The following GABRB3 variants were observed in gnomAD, a reference collection of about 807,000 sequenced individuals.
GABRB3 encodes the protein gamma-aminobutyric acid receptor subunit beta-3.
In GABRB3, 14 loss-of-function variants were observed where a neutral mutation model predicts 52.1. The observed-to-expected ratio is 0.27, with a 90% confidence interval of 0.18 to 0.42. GABRB3 has a LOEUF of 0.42. Among genes scored for constraint, GABRB3 ranks in the 10% least tolerant of loss-of-function variants. The pLI, the probability that GABRB3 is intolerant of heterozygous loss-of-function variation, is 1.00. For synonymous variants in GABRB3, 260 were observed against 232.3 expected (o/e 1.12, Z -1.08); for missense variants, 307 against 609.1 (o/e 0.50, Z 5.22).
intron 3 of GABRB3, among the ~76,000 whole-genome samples, chr15:26,746,478 GC>G (rs1890342611): frequency 6.6e-6 from 1 of 151,776 alleles, no homozygotes; most frequent in East Asian, 1.9e-4. Context: ...TATGAATCAT[GC>G]TTTTGGTGTT....
In GABRB3 at chr15:26,548,039, T is replaced by C; in HGVS notation, c.1176A>G (p.Ala392=). The C allele has an allele frequency of 6.2e-7, 1 of 1,614,184 alleles. No individual in the cohort carries two copies. The highest frequency in any genetic ancestry group is 8.5e-7 in the Non-Finnish European group (1 of 1,180,010). ...SGGIGDTRNS[A]ISFDNSGIQY... ...GGATTCCTGAGTTGTCAAAGGATAT[T>C]GCTGAATTCCTGGTATCGCCAATGC... Residue 392 remains alanine, a synonymous_variant, in exon 9 of 9, where the codon GCA becomes GCG. Transcript: ENST00000311550.
At chr15:26,673,682 C>T (rs1036709526) in intron 3 of GABRB3, among the ~76,000 whole-genome samples, 2 of 152,192 alleles carry the variant, frequency 1.3e-5, no homozygotes, top group African/African-American at 4.8e-5. Context: ...ACGTGCATCA[C>T]AAGACAAAGG....
chr15:26,615,659 C>G, intron 4 of GABRB3: 1 of 763,346 alleles, frequency 1.3e-6, no homozygotes, highest in South Asian at 4.2e-5. Flanking sequence ...GACAGCTCAT[C>G]TACAGCCAAA....
At chr15:26,637,464 T>C (rs1011767925) in intron 3 of GABRB3, among the ~76,000 whole-genome samples, 13 of 152,330 alleles carry the variant, frequency 8.5e-5, no homozygotes, top group African/African-American at 3.1e-4. Flanking sequence ...GGAAATTCTT[T>C]CTCTTTGGTT....
At chr15:26,602,149 T>G (rs534448501) in intron 4 of GABRB3, among the ~76,000 whole-genome samples, 1 of 152,032 alleles carries the variant, frequency 6.6e-6, no homozygotes, top group Middle Eastern at 3.4e-3. Context: ...ACAAAACATA[T>G]AAGAAGAGAC....
intron 3 of GABRB3, among the ~76,000 whole-genome samples, chr15:26,645,452 T>G (rs1213032732): frequency 6.6e-6 from 1 of 152,168 alleles, no homozygotes; most frequent in African/African-American, 2.4e-5. Context: ...TGGGTGCAGA[T>G]GCAATGTGGC....
At chr15:26,687,363 A>G (rs17117238) in intron 3 of GABRB3, among the ~76,000 whole-genome samples, 3,678 of 152,318 alleles carry the variant, frequency 0.024, 140 homozygotes, top group African/African-American at 0.084. Flanking sequence ...GTTCACTCAT[A>G]TAAGTAACTG....
At chr15:26,590,593 A>G (rs896008655) in intron 4 of GABRB3, among the ~76,000 whole-genome samples, 1 of 152,246 alleles carries the variant, frequency 6.6e-6, no homozygotes, top group Admixed American at 6.5e-5. Context: ...AATGCTTGTT[A>G]TTCAATGTGA....
chr15:26,589,073 G>A (rs1193911478), intron 4 of GABRB3, among the ~76,000 whole-genome samples: 4 of 152,238 alleles, frequency 2.6e-5, no homozygotes, highest in Admixed American at 2.6e-4. Context: ...AGTCAAGGAT[G>A]TCAAGATCCA....
chr15:26,572,601 T>C (rs1477135699), intron 6 of GABRB3, among the ~76,000 whole-genome samples: 2 of 152,208 alleles, frequency 1.3e-5, no homozygotes, highest in Non-Finnish European at 2.9e-5. Context: ...ACTGGCAGGA[T>C]GGAATGCCAT....
chr15:26,708,332 A>G (rs1417797939), intron 3 of GABRB3, among the ~76,000 whole-genome samples: 1 of 152,234 alleles, frequency 6.6e-6, no homozygotes, highest in Non-Finnish European at 1.5e-5. Context: ...GATGGCATTT[A>G]CCAACTACTA....
intron 3 of GABRB3, among the ~76,000 whole-genome samples, chr15:26,641,606 G>A (rs1893202221): frequency 6.6e-6 from 1 of 152,196 alleles, no homozygotes; most frequent in South Asian, 2.1e-4. Context: ...GACCTGACAG[G>A]TAGATCACAT....
intron 4 of GABRB3, among the ~76,000 whole-genome samples, chr15:26,601,957 C>T (rs1261226823): frequency 6.6e-6 from 1 of 152,032 alleles, no homozygotes; most frequent in Non-Finnish European, 1.5e-5. Context: ...AATCAAAATA[C>T]ATAGAGTGGC....
intron 4 of GABRB3, among the ~76,000 whole-genome samples, chr15:26,583,705 CATG>C (rs1172143719): frequency 3.3e-5 from 5 of 150,822 alleles, no homozygotes; most frequent in African/African-American, 9.8e-5. Flanking sequence ...TAATATACAG[CATG>C]ATGTTTTGAA....
intron 3 of GABRB3, chr15:26,628,986 C>A: frequency 2.0e-6 from 3 of 1,536,166 alleles, no homozygotes; most frequent in Non-Finnish European, 2.6e-6. Context: ...CCTCTTCTGT[C>A]TGGTAGGTGG....
In GABRB3 at chr15:26,548,002, G is replaced by GTT; in HGVS notation, c.1211_1212dup (p.Gln405AsnfsTer39). ...CCATGCCCTTCTCGAGGCATGCTCT[G>GTT]TTTCCTGTACTGGATTCCTGAGTTG... On this transcript the variant is annotated frameshift_variant, in exon 9 of 9. Transcript: ENST00000311550. LOFTEE classifies it high-confidence loss of function. 1 of 1,614,196 alleles carries GTT rather than the reference G, an allele frequency of 6.2e-7. No homozygotes were observed. Among genetic ancestry groups the GTT allele is most frequent in the Admixed American group, 1.7e-5 (1 of 60,020 alleles).
intron 6 of GABRB3, among the ~76,000 whole-genome samples, chr15:26,576,327 T>C (rs1350621410): frequency 2.6e-5 from 4 of 152,234 alleles, no homozygotes; most frequent in Non-Finnish European, 4.4e-5. Context: ...CTCTTTATAA[T>C]GTTTTCAGAA....
chr15:26,558,411 G>T (rs573891064), intron 8 of GABRB3, among the ~76,000 whole-genome samples: 5 of 152,162 alleles, frequency 3.3e-5, no homozygotes, highest in African/African-American at 1.2e-4. Context: ...TACTGTGTTC[G>T]CTGGGAGGTG....
At chr15:26,569,785 G>A (rs1890325834) in intron 6 of GABRB3, among the ~76,000 whole-genome samples, 1 of 152,200 alleles carries the variant, frequency 6.6e-6, no homozygotes, top group African/African-American at 2.4e-5. Context: ...TTGCAAATAT[G>A]ACATTATACA....
Sources: allele counts gnomAD v4.1 joint callset (sites outside exome capture counted in the v4.1 genomes callset), GRCh38; gene constraint gnomAD v4.1.1; transcripts MANE v1.5; gene names NCBI Gene and HGNC (gene_info 2026-07-23, HGNC 2026-07-21).